TRPM8: variants seen among roughly 807,000 people sequenced by gnomAD.
The protein encoded by TRPM8 is transient receptor potential cation channel subfamily M member 8.
A neutral mutation model predicts 133.7 loss-of-function variants in TRPM8; 110 were observed. The observed-to-expected ratio is 0.82, with a 90% CI of 0.70 to 0.96. The LOEUF (loss-of-function observed/expected upper bound fraction) is 0.96, where lower values mean the gene tolerates loss of function less well. Ranked by LOEUF, TRPM8 falls within the 40% of genes least tolerant of loss-of-function variation. The pLI is 0.00. For synonymous variants in TRPM8, 535 were observed against 532.3 expected, an observed-to-expected ratio of 1.01 and a Z score of -0.07; for missense variants, 1,291 against 1,379.5, an observed-to-expected ratio of 0.94 and a Z score of 1.02.
rs557935084 is a variant in TRPM8 at position 233,940,960 on chromosome 2, T to C, written c.527-1616T>C. On this transcript the variant is annotated intron_variant, in intron 5 of 25. Coordinates refer to ENST00000324695, the MANE Select transcript of TRPM8 (RefSeq NM_024080.5). ...TGTAGTCAGGGTTCATGGCTCGTCA[T>C]AGGACACCTGTCCAGAAAATGGCAG... is the stretch of plus-strand genomic sequence containing the variant. 8.9e-4 allele frequency among the ~76,000 whole-genome samples: 135 copies of C among 152,272 alleles called. 1 individual carries two copies. Among genetic ancestry groups the C allele is most frequent in the African/African-American group, 3.2e-3 (132 of 41,556 alleles).
Position 233,970,418 on chromosome 2 carries a change from G to A in TRPM8, c.2347G>A (p.Val783Met). 1 of 1,613,958 alleles carries A rather than the reference G, an allele frequency of 6.2e-7. No homozygotes were observed. The highest frequency in any genetic ancestry group is 8.5e-7 in the Non-Finnish European group (1 of 1,180,014). ...GGTCTTTGTCCTCTTCTGTGATGAA[G>A]TGAGACAGGTAGGGCTGCCATGACA... The part of the protein sequence containing the change: ...SLVFVLFCDE[V>M]RQWYVNGVNY... Residue 783 changes from valine to methionine, a missense_variant, in exon 17 of 26, where the codon GTG becomes ATG. Transcript: ENST00000324695.
chr2:233,932,821 C>T (rs1326472197), intron 3 of TRPM8, among the ~76,000 whole-genome samples: 1 of 151,296 alleles, frequency 6.6e-6, no homozygotes, highest in African/African-American at 2.4e-5. Context: ...TGGGATCACT[C>T]CATGTAATCT....
Position 233,984,420 on chromosome 2 carries a change from C to T in TRPM8, c.2761+1196C>T, listed in dbSNP as rs111592082. On this transcript the variant is annotated intron_variant, in intron 20 of 25. Coordinates refer to ENST00000324695, the MANE Select transcript of TRPM8 (RefSeq NM_024080.5). Reference sequence around the variant, plus strand: ...CCCACTTCCAGACCCAAACTTCCCCCGATGCCCTCCTGTGAAGGTCTGCTG... The same window carrying T: ...CCCACTTCCAGACCCAAACTTCCCCTGATGCCCTCCTGTGAAGGTCTGCTG... Among the ~76,000 whole-genome samples, 10 of 152,148 alleles carry T rather than the reference C, an allele frequency of 6.6e-5. No individual in the cohort carries two copies. In the East Asian group the frequency reaches 1.7e-3, roughly 26 times the overall value.
At chr2:233,994,852 G>A (rs971898337) in intron 21 of TRPM8, among the ~76,000 whole-genome samples, 1 of 152,164 alleles carries the variant, frequency 6.6e-6, no homozygotes, top group Non-Finnish European at 1.5e-5. Flanking sequence ...CCTTCAAACA[G>A]TTCATTGCAC....
chr2:233,988,555 G>A (rs188256157), intron 21 of TRPM8, among the ~76,000 whole-genome samples: 1 of 152,282 alleles, frequency 6.6e-6, no homozygotes, highest in Non-Finnish European at 1.5e-5. Context: ...GCTTCCTGGT[G>A]TATTATATAC....
In TRPM8 at chr2:234,009,974, T is replaced by C. The variant is rs532154542; in HGVS notation, c.3264+1871T>C. On this transcript the variant is annotated intron_variant, in intron 24 of 25. Coordinates refer to ENST00000324695, the MANE Select transcript of TRPM8 (RefSeq NM_024080.5). The stretch of plus-strand genomic sequence containing the variant: ...ATATTTACCATCTGTGAGTGTTGTA[T>C]GTATGTGTGAGGGAATTAGATTAAT... Among the ~76,000 whole-genome samples, 52 of 152,334 alleles carry C rather than the reference T, an allele frequency of 3.4e-4. No homozygotes were observed. In the South Asian group the frequency reaches 3.7e-3, roughly 11 times the overall value.
chr2:234,013,500 T>C (rs1397539409), intron 24 of TRPM8: 1 of 152,206 alleles, frequency 6.6e-6, no homozygotes, highest in Non-Finnish European at 1.5e-5. Context: ...CATTTCTGAC[T>C]GTATTTATTT....
intron 12 of TRPM8, among the ~76,000 whole-genome samples, chr2:233,961,279 G>A (rs986799314): frequency 9.2e-5 from 14 of 152,200 alleles, no homozygotes; most frequent in East Asian, 3.9e-4. Flanking sequence ...TGATCTATAT[G>A]ATACCATATT....
chr2:233,999,405 CT>C, intron 22 of TRPM8, among the ~76,000 whole-genome samples: 1 of 152,146 alleles, frequency 6.6e-6, no homozygotes, highest in Non-Finnish European at 1.5e-5. Flanking sequence ...CTGCTGCGTT[CT>C]ATTGGTCCAA....
rs374065312 is a variant in TRPM8 at position 234,017,449 on chromosome 2, C to T, written c.*193C>T. The T allele has an allele frequency of 3.1e-5, 14 of 451,498 alleles. No individual in the cohort carries two copies. The highest frequency in any genetic ancestry group is 1.5e-4 in the South Asian group (9 of 61,688). 28.0% of individuals were successfully genotyped at this position (451,498 alleles called of 1,614,324 possible). A position where few individuals can be genotyped will look rare whatever the true frequency, so the allele number is the denominator to read the frequency against. The stretch of plus-strand genomic sequence containing the variant: ...GTGTGATTGGTTTCATACTTGAAGA[C>T]GGATATAAAGGAAGAATATTTCCTT... On this transcript the variant is annotated 3_prime_UTR_variant, in exon 26 of 26. Coordinates refer to ENST00000324695, the MANE Select transcript of TRPM8 (RefSeq NM_024080.5).
chr2:233,982,679 C>A (rs952899847), intron 19 of TRPM8, among the ~76,000 whole-genome samples: 1 of 152,108 alleles, frequency 6.6e-6, no homozygotes, highest in Non-Finnish European at 1.5e-5. Context: ...AACCAACAAA[C>A]TACAAAAATA....
chr2:233,920,225 T>C (rs539567513), intron 1 of TRPM8, among the ~76,000 whole-genome samples: 138 of 152,312 alleles, frequency 9.1e-4, no homozygotes, highest in African/African-American at 3.2e-3. Flanking sequence ...CTGATAGGTA[T>C]GGTAGGTCTA....
intron 24 of TRPM8, among the ~76,000 whole-genome samples, chr2:234,009,635 T>C (rs1206194915): frequency 2.0e-5 from 3 of 152,048 alleles, no homozygotes; most frequent in Non-Finnish European, 4.4e-5. Context: ...TCCCACCGCC[T>C]CCCTCCCCTT....
intron 13 of TRPM8, among the ~76,000 whole-genome samples, chr2:233,963,965 T>A (rs568176675): frequency 1.3e-5 from 2 of 152,338 alleles, no homozygotes; most frequent in South Asian, 4.2e-4. Context: ...ACGGTCTTAC[T>A]GTCATTTCTC....
chr2:233,924,395 G>C (rs977244085), intron 1 of TRPM8, among the ~76,000 whole-genome samples: 1 of 152,108 alleles, frequency 6.6e-6, no homozygotes, highest in Non-Finnish European at 1.5e-5. Flanking sequence ...CACTCTCCAG[G>C]GACCCAGCTG....
intron 1 of TRPM8, among the ~76,000 whole-genome samples, chr2:233,925,941 G>A (rs1442575860): frequency 6.6e-6 from 1 of 152,038 alleles, no homozygotes; most frequent in East Asian, 1.9e-4. Context: ...ATAAGGTTTT[G>A]CAATGCCCAG....
Position 233,945,873 on chromosome 2 carries a change from GT to G in TRPM8, c.718del (p.Tyr240ThrfsTer42). Reference sequence around the variant, plus strand: ...CTTTTCAGGGCTATTTTTTAGCCCAGTACCTTATGGATGACTTCACAAGAGA... The same window carrying G: ...CTTTTCAGGGCTATTTTTTAGCCCAGACCTTATGGATGACTTCACAAGAGA... ...CDAEGYFLAQ[Y>X]LMDDFTRDPL... On this transcript the variant is annotated frameshift_variant, in exon 7 of 26. Coordinates refer to ENST00000324695, the MANE Select transcript of TRPM8 (RefSeq NM_024080.5). LOFTEE classifies it high-confidence loss of function. 1 of 1,613,820 alleles carries G rather than the reference GT, an allele frequency of 6.2e-7. No homozygotes were observed. The highest frequency in any genetic ancestry group is 8.5e-7 in the Non-Finnish European group (1 of 1,179,774).
Position 234,014,561 on chromosome 2 carries a change from G to C in TRPM8, c.3265-1G>C. 6.5e-7 allele frequency: 1 copy of C among 1,539,372 alleles called. No individual in the cohort carries two copies. The highest frequency in any genetic ancestry group is 8.7e-7 in the Non-Finnish European group (1 of 1,146,744). ...GAGTTCTATTTTTTTCTCTTTCCAA[G>C]CTTAATGATCTCAAGGGTCTTCTGA... is the stretch of plus-strand genomic sequence containing the variant. On this transcript the variant is annotated splice_acceptor_variant, in intron 24 of 25. Transcript: ENST00000324695. LOFTEE classifies it high-confidence loss of function.
intron 1 of TRPM8, among the ~76,000 whole-genome samples, chr2:233,918,746 T>C (rs534054260): frequency 6.6e-6 from 1 of 152,342 alleles, no homozygotes; most frequent in Admixed American, 6.5e-5. Flanking sequence ...TGGTGGTGAC[T>C]GAGACATGGA....
Sources: gnomAD v4.1 joint callset for allele counts (sites outside exome capture counted in the v4.1 genomes callset) on GRCh38, gnomAD v4.1.1 for gene constraint, MANE v1.5 for transcripts, NCBI Gene and HGNC (gene_info 2026-07-23, HGNC 2026-07-21) for gene names.